Variants in MYOF observed in about 807,000 individuals in gnomAD.
MYOF encodes myoferlin.
A neutral mutation model predicts 284.2 loss-of-function variants in MYOF; 244 were observed. The ratio of observed to expected loss-of-function variants is 0.86; its 90% CI spans 0.77 to 0.95. The LOEUF is 0.95. Ranked by LOEUF, MYOF falls within the 40% of genes least tolerant of loss-of-function variation. The pLI is 0.00. For synonymous variants in MYOF, 904 were observed against 919.7 expected (o/e 0.98, Z 0.31); for missense variants, 2,496 against 2,560.6 (o/e 0.97, Z 0.54).
intron 1 of MYOF, among the ~76,000 whole-genome samples, chr10:93,468,297 G>A (rs2057057018): frequency 6.6e-6 from 1 of 152,216 alleles, no homozygotes; most frequent in Admixed American, 6.5e-5. Context: ...CAGCTGAGGA[G>A]GTAGGGCCTA....
intron 1 of MYOF, among the ~76,000 whole-genome samples, chr10:93,473,091 T>A (rs2057186739): frequency 1.3e-5 from 2 of 152,064 alleles, no homozygotes; most frequent in South Asian, 4.2e-4. Flanking sequence ...AAACCAGGAG[T>A]GAAAATTAAT....
chr10:93,351,341 C>T, intron 34 of MYOF, 46 bp from the exon 35 acceptor site: 2 of 1,608,294 alleles, frequency 1.2e-6, no homozygotes, highest in Non-Finnish European at 1.7e-6. Flanking sequence ...TTAGTTCAAG[C>T]AAACAGTGCC....
chr10:93,431,888 G>C (rs533226928), intron 3 of MYOF, among the ~76,000 whole-genome samples: 2 of 151,820 alleles, frequency 1.3e-5, no homozygotes, highest in East Asian at 3.9e-4. Flanking sequence ...TGGGATTATA[G>C]GCACCCACCA....
chr10:93,398,957 C>T (rs972346073), intron 13 of MYOF, among the ~76,000 whole-genome samples: 3 of 151,832 alleles, frequency 2.0e-5, no homozygotes, highest in African/African-American at 7.3e-5. Context: ...CTTCCCTGAC[C>T]CATTCTCTGG....
chr10:93,467,326 C>A (rs2057033127), intron 1 of MYOF, among the ~76,000 whole-genome samples: 1 of 129,094 alleles, frequency 7.7e-6, no homozygotes, highest in South Asian at 3.0e-4. Context: ...CTCCCCCGAC[C>A]CCACAACAGT....
Position 93,459,254 on chromosome 10 carries a change from C to T in MYOF, c.89-2317G>A, listed in dbSNP as rs532775663. 2.6e-5 allele frequency among the ~76,000 whole-genome samples: 4 copies of T among 152,328 alleles called. No homozygotes were observed. The East Asian group carries it at 7.7e-4, about 29-fold the overall frequency. ...CCTCATCTAACAGAAACTCCCAATC[C>T]TCCTCTCTGGTTACAGTATAAGAAA... is the stretch of plus-strand genomic sequence containing the variant. On this transcript the variant is annotated intron_variant, in intron 1 of 53. Transcript: ENST00000359263.
At chr10:93,358,406 C>T (rs946791447) in intron 29 of MYOF, among the ~76,000 whole-genome samples, 4 of 152,162 alleles carry the variant, frequency 2.6e-5, no homozygotes, top group African/African-American at 4.8e-5. Context: ...CTTCAAAGAC[C>T]TAGAACCAGA....
chr10:93,375,489 G>C (rs1420237731), intron 22 of MYOF, among the ~76,000 whole-genome samples: 1 of 152,252 alleles, frequency 6.6e-6, no homozygotes, highest in Non-Finnish European at 1.5e-5. Flanking sequence ...ATGTAATGAT[G>C]AACATAGGCT....
At chr10:93,345,030 A>T (rs1302886884) in intron 37 of MYOF, among the ~76,000 whole-genome samples, 1 of 152,162 alleles carries the variant, frequency 6.6e-6, no homozygotes, top group African/African-American at 2.4e-5. Flanking sequence ...TGAGAGGTAC[A>T]TCTCCCATTT....
intron 4 of MYOF, among the ~76,000 whole-genome samples, chr10:93,427,723 G>A (rs1848661456): frequency 6.6e-6 from 1 of 151,946 alleles, no homozygotes; most frequent in South Asian, 2.1e-4. Context: ...AATGAAAAGG[G>A]AAACTGAAAA....
rs573899711 is a variant in MYOF at position 93,350,087 on chromosome 10, C to T, written c.3922-118G>A. ...CTTTAAGATTAATTTGAACATTATC[C>T]TAGTAAGCTTGTAGGTCATCCAAAG... is the stretch of plus-strand genomic sequence containing the variant. On this transcript the variant is annotated intron_variant, in intron 35 of 53. Coordinates refer to ENST00000359263, the MANE Select transcript of MYOF (RefSeq NM_013451.4). 6.1e-5 allele frequency: 64 copies of T among 1,049,932 alleles called. 1 individual carries two copies. In the African/African-American group the frequency reaches 6.3e-4, roughly 10 times the overall value. The allele number at this position is 1,049,932 out of a possible 1,614,324, so 65.0% of individuals were successfully genotyped here.
At chr10:93,307,703 C>A (rs902815595) in intron 53 of MYOF, among the ~76,000 whole-genome samples, 9 of 150,960 alleles carry the variant, frequency 6.0e-5, no homozygotes, top group African/African-American at 2.2e-4. Flanking sequence ...CCAGTCACTG[C>A]AACCTTTGCC....
intron 2 of MYOF, among the ~76,000 whole-genome samples, chr10:93,455,314 CA>C (rs1484032386): frequency 6.8e-6 from 1 of 146,872 alleles, no homozygotes; most frequent in Non-Finnish European, 1.5e-5. Context: ...AACAAAAAAA[CA>C]AAAAAAGAAC....
chr10:93,456,548 T>C (rs2056748136), intron 2 of MYOF, among the ~76,000 whole-genome samples: 1 of 152,192 alleles, frequency 6.6e-6, no homozygotes, highest in South Asian at 2.1e-4. Context: ...GGAGATGATC[T>C]AATCCCACCC....
chr10:93,445,351 A>C (rs2056400392), intron 3 of MYOF, among the ~76,000 whole-genome samples: 1 of 152,226 alleles, frequency 6.6e-6, no homozygotes, highest in East Asian at 1.9e-4. Context: ...TAATGAATGC[A>C]AAGGGCTGGG....
chr10:93,310,599 G>T lies in MYOF; in HGVS notation c.5934C>A (p.Ala1978=), dbSNP rs374979890. The T allele has an allele frequency of 8.7e-6, 14 of 1,614,120 alleles. No homozygotes were observed. The highest frequency in any genetic ancestry group is 1.0e-5 in the Non-Finnish European group (12 of 1,180,028). The part of the protein sequence containing the change: ...MTLEILNEKE[A]DERPAGKGRD... ...GCCCCTTCCCGGCTGGCCTCTCGTCGGCCTCCTTCTCGTTGAGGATTTCCA... is the reference window on the plus strand; with the variant it reads ...GCCCCTTCCCGGCTGGCCTCTCGTCTGCCTCCTTCTCGTTGAGGATTTCCA... The change falls in exon 52 of 54, where the codon GCC becomes GCA. Residue 1978 remains alanine, a synonymous_variant. Transcript: ENST00000359263.
At chr10:93,345,200 G>A (rs1326306109) in intron 37 of MYOF, among the ~76,000 whole-genome samples, 1 of 152,230 alleles carries the variant, frequency 6.6e-6, no homozygotes, top group African/African-American at 2.4e-5. Flanking sequence ...TACCCACCAT[G>A]TGCTGGGCAC....
At chr10:93,362,657 A>C (rs1437668662) in intron 27 of MYOF, among the ~76,000 whole-genome samples, 2 of 152,174 alleles carry the variant, frequency 1.3e-5, no homozygotes, top group South Asian at 2.1e-4. Flanking sequence ...AAATGAAGAG[A>C]GTTATGAAAA....
chr10:93,403,909 T>C (rs148580567), intron 9 of MYOF, 114 bp downstream of exon 9: 2 of 1,133,562 alleles, frequency 1.8e-6, no homozygotes, highest in East Asian at 2.4e-5. Context: ...GTCATCATGC[T>C]GAACCCTTAC....
Sources: gnomAD v4.1 joint callset for allele counts (sites outside exome capture counted in the v4.1 genomes callset) on GRCh38, gnomAD v4.1.1 for gene constraint, MANE v1.5 for transcripts, NCBI Gene and HGNC (gene_info 2026-07-23, HGNC 2026-07-21) for gene names.